P2RX6: variants seen among roughly 807,000 people sequenced by gnomAD.
P2RX6 encodes purinergic receptor P2X 6, also known as P2X purinoceptor 6.
A neutral mutation model predicts 54.2 loss-of-function variants in P2RX6; 62 were observed. The observed-to-expected ratio is 1.14, with a 90% CI of 0.93 to 1.41. P2RX6 has a LOEUF of 1.41. Ranked by LOEUF, P2RX6 falls within the 40% of genes most tolerant of loss-of-function variation. The probability of loss-of-function intolerance (pLI) is 0.00; values close to 1 mark genes in which losing one functional copy is unlikely to be tolerated. For synonymous variants in P2RX6, 211 were observed against 231.9 expected (o/e 0.91, Z 0.82); for missense variants, 541 against 566.3 (o/e 0.96, Z 0.45).
chr22:21,023,051 A>G lies in P2RX6; in HGVS notation c.557+16A>G, dbSNP rs374822061. 16 of 1,612,146 alleles carry G rather than the reference A, an allele frequency of 9.9e-6. No homozygotes were observed. The highest frequency in any genetic ancestry group is 1.3e-5 in the Non-Finnish European group (15 of 1,178,552). On this transcript the variant is annotated intron_variant, in intron 5 of 11. Transcript: ENST00000413302. ...TTGTGCCCTCGTAAGTGTCCCCACA[A>G]TCCCCTACCCCAACTGGCGCAGGGC...
intron 3 of P2RX6, among the ~76,000 whole-genome samples, chr22:21,021,115 T>A (rs937583894): frequency 6.6e-6 from 1 of 151,922 alleles, no homozygotes; most frequent in African/African-American, 2.4e-5. Flanking sequence ...AGCTAAACTG[T>A]TTTTGTTTGT....
In P2RX6 at chr22:21,017,795, A is replaced by G; in HGVS notation, c.316-194A>G. ...CTTGTCTCAAGAGATGGACATGGGC[A>G]CAAGGCTTCCTGGTCTCAAAAATGG... On this transcript the variant is annotated intron_variant, in intron 2 of 11. Transcript: ENST00000413302. The G allele has an allele frequency of 4.5e-6, 3 of 669,318 alleles. No individual in the cohort carries two copies. The South Asian group carries it at 4.7e-5, about 10-fold the overall frequency. The allele number at this position is 669,318 out of a possible 1,614,324, so 41.5% of individuals were successfully genotyped here. A position where few individuals can be genotyped will look rare whatever the true frequency, so the allele number is the denominator to read the frequency against.
chr22:21,015,850 G>T, intron 1 of P2RX6, 92 bp from the exon 2 acceptor site: 1 of 1,341,640 alleles, frequency 7.5e-7, no homozygotes, highest in Non-Finnish European at 1.0e-6. Context: ...AGCCTGTAGG[G>T]TGTGGGGGGA....
intron 3 of P2RX6, 35 bp downstream of exon 3, chr22:21,018,095 T>C (rs1455693893): frequency 3.4e-6 from 5 of 1,471,388 alleles, no homozygotes; most frequent in Middle Eastern, 1.7e-4. Flanking sequence ...GCGGGTCCCT[T>C]GTTCCTCCAT....
chr22:21,023,648 T>C, intron 8 of P2RX6, 30 bp downstream of exon 8: 1 of 1,488,546 alleles, frequency 6.7e-7, no homozygotes, highest in Non-Finnish European at 9.2e-7. Flanking sequence ...AGTGCCCAGC[T>C]GCTGGGCCCA....
At chr22:21,011,439 G>C (rs1319093014), upstream of P2RX6, 7 of 698,092 alleles carry the variant, frequency 1.0e-5, no homozygotes, top group Admixed American at 2.0e-5. Context: ...GGTCTGTGTG[G>C]GCCAGCAGGA....
At chr22:21,023,739 C>A in intron 8 of P2RX6, 121 bp downstream of exon 8, 1 of 712,396 alleles carries the variant, frequency 1.4e-6, no homozygotes, top group Non-Finnish European at 2.4e-6. Flanking sequence ...GCAAGGGGGT[C>A]CCAGGAGCAG....
At chr22:21,021,823 A>G (rs766871791) in intron 3 of P2RX6, among the ~76,000 whole-genome samples, 1 of 152,044 alleles carries the variant, frequency 6.6e-6, no homozygotes, top group African/African-American at 2.4e-5. Flanking sequence ...TGCAGGCATT[A>G]ATGTCCCCAG....
Position 21,026,589 on chromosome 22 carries a change from A to C in P2RX6, c.1298A>C (p.His433Pro). The C allele has an allele frequency of 6.3e-7, 1 of 1,589,324 alleles. No individual in the cohort carries two copies. The highest frequency in any genetic ancestry group is 8.6e-7 in the Non-Finnish European group (1 of 1,168,952). ...TGGCCCTGTCCAAGTTCTGACACCC[A>C]CTTGCCAACCCATTCCGGGAGCCTG... is the stretch of plus-strand genomic sequence containing the variant. Reference protein sequence around the residue: ...PGWPCPSSDTHLPTHSGSL With the variant: ...PGWPCPSSDTPLPTHSGSL The change falls in exon 12 of 12, where the codon CAC becomes CCC. Residue 433 changes from histidine to proline, a missense_variant. Physicochemically the swap from His to Pro is moderately conservative, Grantham distance 77. This residue lies in a region of P2RX6 where 526 missense variants were observed against 531.5 expected (regional missense o/e 0.99). Coordinates refer to ENST00000413302, the MANE Select transcript of P2RX6 (RefSeq NM_005446.5). The surrounding 1 kb of genome is among the most constrained non-coding windows in gnomAD (Gnocchi z 4.0).
upstream of P2RX6, among the ~76,000 whole-genome samples, chr22:21,014,751 C>G (rs1484746634): frequency 6.6e-6 from 1 of 152,182 alleles, no homozygotes; most frequent in African/African-American, 2.4e-5. Flanking sequence ...ACCTCCATCC[C>G]CATCTTTGTC....
rs754960598 is a variant in P2RX6, at chr22:21,023,336, T to C, written c.700T>C (p.Phe234Leu). ...YFKHCRYEPQFSPYCPVFRIG... is the reference protein window; with the variant it reads ...YFKHCRYEPQLSPYCPVFRIG... ...TAAGCACTGCCGCTATGAACCACAA[T>C]TCAGCCCCTACTGTCCCGTGTTCCG... Residue 234 changes from phenylalanine to leucine, a missense_variant, in exon 7 of 12, where the codon TTC (phenylalanine) becomes CTC (leucine). Physicochemically the swap from Phe to Leu is conservative, Grantham distance 22. Coordinates refer to ENST00000413302, the MANE Select transcript of P2RX6 (RefSeq NM_005446.5). The C allele has an allele frequency of 1.9e-6, 3 of 1,613,914 alleles. No individual in the cohort carries two copies. The highest frequency in any genetic ancestry group is 2.5e-6 in the Non-Finnish European group (3 of 1,179,864).
chr22:21,015,165 A>G lies in P2RX6; in HGVS notation c.-10A>G, dbSNP rs71314758. On this transcript the variant is annotated 5_prime_UTR_variant, in exon 1 of 12. The change abolishes an upstream ATG in the 5' untranslated region. Coordinates refer to ENST00000413302, the MANE Select transcript of P2RX6 (RefSeq NM_005446.5). ...CTGTTCAGCTGCGGCTGCAGCTGCC[A>G]TGCTGACTCATGTGCCCGCAGCTAG... 133,356 of 1,475,042 alleles carry G rather than the reference A, an allele frequency of 0.09. 6,253 individuals carry two copies. The highest frequency in any genetic ancestry group is 0.16 in the South Asian group (11,352 of 72,088). The allele number at this position is 1,475,042 out of a possible 1,614,324, so 91.4% of individuals were successfully genotyped here. A position where few individuals can be genotyped will look rare whatever the true frequency, so the allele number is the denominator to read the frequency against.
Position 21,023,179 on chromosome 22 carries a change from A to G in P2RX6, c.619A>G (p.Ser207Gly). 6.2e-7 allele frequency: 1 copy of G among 1,613,968 alleles called. No individual in the cohort carries two copies. The highest frequency in any genetic ancestry group is 8.5e-7 in the Non-Finnish European group (1 of 1,179,890). Residue 207 changes from serine (S) to glycine (G), a missense_variant, in exon 6 of 12, where the codon AGC becomes GGC. Ser to Gly is a moderately conservative substitution (Grantham distance 56). Coordinates refer to ENST00000413302, the MANE Select transcript of P2RX6 (RefSeq NM_005446.5). Reference sequence around the variant, plus strand: ...GTTCATCAAAAACACAGTCACCTTCAGCAAGTTCAACTTCTCTAAGTAAGC... The same window carrying G: ...GTTCATCAAAAACACAGTCACCTTCGGCAAGTTCAACTTCTCTAAGTAAGC... Reference protein sequence around the residue: ...TLFIKNTVTFSKFNFSKSNAL... With the variant: ...TLFIKNTVTFGKFNFSKSNAL...
chr22:21,020,603 T>C (rs1396010368), intron 3 of P2RX6, among the ~76,000 whole-genome samples: 3 of 148,684 alleles, frequency 2.0e-5, no homozygotes, highest in Non-Finnish European at 4.5e-5. Flanking sequence ...TCTTTTTTTT[T>C]TTTTTGAGAC....
At position 21,026,073 on chromosome 22, in the gene P2RX6, C is replaced by T. The variant is rs753330879; in HGVS notation, c.1047C>T (p.Gly349=). 6 of 1,609,482 alleles carry T rather than the reference C, an allele frequency of 3.7e-6. No homozygotes were observed. In the Admixed American group the frequency reaches 8.4e-5, roughly 23 times the overall value. The part of the protein sequence containing the change: ...VTLGTGAAWL[G]VVTFFCDLLL... ...TGGGCACCGGGGCAGCTTGGCTGGG[C>T]GTGGTGAGTGCGAGCACTGTGGGCA... The change falls in exon 10 of 12, where the codon GGC becomes GGT. Residue 349 remains glycine (G), a synonymous_variant. Transcript: ENST00000413302. The surrounding 1 kb of genome is among the most constrained non-coding windows in gnomAD (Gnocchi z 4.0).
chr22:21,023,231 C>G, intron 6 of P2RX6, 33 bp downstream of exon 6: 4 of 1,613,926 alleles, frequency 2.5e-6, no homozygotes, highest in Non-Finnish European at 3.4e-6. Context: ...GCCCCAAGAC[C>G]CTCCTTGTCC....
chr22:21,026,163 C>T lies in P2RX6; in HGVS notation c.1050+87C>T, dbSNP rs1928409944. On this transcript the variant is annotated intron_variant, in intron 10 of 11. Transcript: ENST00000413302. This position sits in a 1 kb window ranked among gnomAD's most constrained non-coding sequence, Gnocchi z 4.0. ...CAATGCATGCTGGAGCCTCCGGTGC[C>T]TGCACATTGAGTCTCGGGGTGCAGG... 3.3e-6 allele frequency: 5 copies of T among 1,533,044 alleles called. No homozygotes were observed. Among genetic ancestry groups the T allele is most frequent in the Admixed American group, 1.9e-5 (1 of 52,254 alleles). The allele number at this position is 1,533,044 out of a possible 1,614,324, so 95.0% of individuals were successfully genotyped here. A position where few individuals can be genotyped will look rare whatever the true frequency, so the allele number is the denominator to read the frequency against.
At chr22:21,022,148 G>T (rs999004123) in intron 3 of P2RX6, among the ~76,000 whole-genome samples, 1 of 152,120 alleles carries the variant, frequency 6.6e-6, no homozygotes, top group Non-Finnish European at 1.5e-5. Context: ...CAGAAGGATT[G>T]CTTGAGGCCA....
chr22:21,012,163 C>T (rs1466854930), upstream of P2RX6, among the ~76,000 whole-genome samples: 1 of 152,206 alleles, frequency 6.6e-6, no homozygotes, highest in African/African-American at 2.4e-5. Flanking sequence ...GAACTCCCAC[C>T]TTGCCCACCC....
Sources: gnomAD v4.1 joint callset for allele counts (sites outside exome capture counted in the v4.1 genomes callset) on GRCh38, gnomAD v4.1.1 for gene constraint, gnomAD v4.1.1 regional missense constraint, Gnocchi (gnomAD v3.1) non-coding constraint, MANE v1.5 for transcripts, NCBI Gene and HGNC (gene_info 2026-07-23, HGNC 2026-07-21) for gene names.